DSG2: variants seen among roughly 807,000 people sequenced by gnomAD.
DSG2 encodes the protein desmoglein-2.
In DSG2, 45 loss-of-function variants were observed where a neutral mutation model predicts 75.6. The observed-to-expected ratio is 0.60, with a 90% CI of 0.47 to 0.76. The LOEUF (loss-of-function observed/expected upper bound fraction) is 0.76, where lower values mean the gene tolerates loss of function less well. Ranked by LOEUF, DSG2 falls within the 30% of genes least tolerant of loss-of-function variation. DSG2 has a pLI of 0.00. For synonymous variants in DSG2, 429 were observed against 483.9 expected (o/e 0.89, Z 1.49); for missense variants, 1,267 against 1,357.4 (o/e 0.93, Z 1.05).
Position 31,524,691 on chromosome 18 carries a change from C to T in DSG2, c.829-12C>T. On this transcript the variant is annotated splice_polypyrimidine_tract_variant and intron_variant, in intron 7 of 14. Coordinates refer to ENST00000261590, the MANE Select transcript of DSG2 (RefSeq NM_001943.5). ...TTCATTGAAATAAAAATCATGTGTT[C>T]ATGTTTTGCAGCTTGAAGGGATGGT... 1.2e-6 allele frequency: 2 copies of T among 1,613,882 alleles called. No homozygotes were observed. The highest frequency in any genetic ancestry group is 8.5e-7 in the Non-Finnish European group (1 of 1,179,928).
At chr18:31,530,287 T>C (rs764199381) in intron 8 of DSG2, among the ~76,000 whole-genome samples, 2 of 152,198 alleles carry the variant, frequency 1.3e-5, no homozygotes, top group African/African-American at 2.4e-5. Flanking sequence ...TACCACTACT[T>C]ATTTTCACTA....
At chr18:31,532,684 G>T (rs906197155) in intron 9 of DSG2, among the ~76,000 whole-genome samples, 3 of 152,154 alleles carry the variant, frequency 2.0e-5, no homozygotes, top group African/African-American at 7.2e-5. Flanking sequence ...GTCCTCTTGA[G>T]TTATGTGGTC....
At position 31,542,066 on chromosome 18, in the gene DSG2, G is replaced by A. The variant is rs563892133; in HGVS notation, c.2002-454G>A. 9 of 222,930 alleles carry A rather than the reference G, an allele frequency of 4.0e-5. No individual in the cohort carries two copies. The East Asian group carries it at 6.5e-4, about 16-fold the overall frequency. 13.8% of individuals were successfully genotyped at this position (222,930 alleles called of 1,614,324 possible). A position where few individuals can be genotyped will look rare whatever the true frequency, so the allele number is the denominator to read the frequency against. On this transcript the variant is annotated intron_variant, in intron 13 of 14. Transcript: ENST00000261590. Reference sequence around the variant, plus strand: ...AGAACCCTCTTTAAGCACACTTCCCGGAACTTGTGTACACCATTTCTGCTT... The same window carrying A: ...AGAACCCTCTTTAAGCACACTTCCCAGAACTTGTGTACACCATTTCTGCTT...
intron 1 of DSG2, among the ~76,000 whole-genome samples, chr18:31,513,186 A>T (rs932025340): frequency 6.6e-6 from 1 of 152,242 alleles, no homozygotes; most frequent in African/African-American, 2.4e-5. Context: ...GAAAAAGTTT[A>T]GAGAGAGAGT....
rs2848664 is a variant in DSG2, at chr18:31,524,301, T to C, written c.691-147T>C. The C allele has an allele frequency of 0.12, 137,939 of 1,130,148 alleles. 11,778 individuals carry two copies. The highest frequency in any genetic ancestry group is 0.41 in the African/African-American group (26,242 of 64,198). 70.0% of individuals were successfully genotyped at this position (1,130,148 alleles called of 1,614,324 possible). Reference sequence around the variant, plus strand: ...TGCAAAAGCTCTGACTGCAAGTAAATAGTATCTTCACACAAATAATAGCAG... The same window carrying C: ...TGCAAAAGCTCTGACTGCAAGTAAACAGTATCTTCACACAAATAATAGCAG... On this transcript the variant is annotated intron_variant, in intron 6 of 14. Transcript: ENST00000261590.
chr18:31,518,197 G>A (rs1473602011), intron 1 of DSG2, 42 bp from the exon 2 acceptor site: 1 of 1,477,208 alleles, frequency 6.8e-7, no homozygotes, highest in Non-Finnish European at 9.5e-7. Flanking sequence ...ACACTGAATT[G>A]AGCAGTAAAT....
chr18:31,533,419 C>T (rs1327094126), intron 9 of DSG2, among the ~76,000 whole-genome samples: 1 of 152,090 alleles, frequency 6.6e-6, no homozygotes, highest in African/African-American at 2.4e-5. Flanking sequence ...AAGGTTCCAG[C>T]GAGTTGCCAT....
At position 31,505,256 on chromosome 18, in the gene DSG2, C is replaced by T. The variant is rs561652048; in HGVS notation, c.45+6960C>T. ...TGGCACATGGAGTCCCTCATCTGTG[C>T]GTTTTCCTTCCTCCTGTATGCACAG... On this transcript the variant is annotated intron_variant, in intron 1 of 14. Transcript: ENST00000261590. 5.3e-4 allele frequency among the ~76,000 whole-genome samples: 80 copies of T among 152,294 alleles called. 1 individual carries two copies. The highest frequency in any genetic ancestry group is 9.4e-4 in the Non-Finnish European group (64 of 68,022).
At position 31,504,707 on chromosome 18, in the gene DSG2, C is replaced by T. The variant is rs146982207; in HGVS notation, c.45+6411C>T. Reference sequence around the variant, plus strand: ...CCCCAGTGGCCAGGCAATCCATGCTCGTCATTGAGCCGCACTGCCCTGCTC... The same window carrying T: ...CCCCAGTGGCCAGGCAATCCATGCTTGTCATTGAGCCGCACTGCCCTGCTC... On this transcript the variant is annotated intron_variant, in intron 1 of 14. Coordinates refer to ENST00000261590, the MANE Select transcript of DSG2 (RefSeq NM_001943.5). 5.9e-4 allele frequency among the ~76,000 whole-genome samples: 90 copies of T among 152,316 alleles called. 1 individual carries two copies. In the South Asian group the frequency reaches 0.012, roughly 21 times the overall value.
intron 8 of DSG2, among the ~76,000 whole-genome samples, chr18:31,527,849 G>GA (rs2073171825): frequency 1.1e-4 from 17 of 152,198 alleles, no homozygotes; most frequent in Admixed American, 1.1e-3. Context: ...TGTCTGGGCA[G>GA]GTCCCGCTTT....
At chr18:31,521,042 G>A in intron 4 of DSG2, 57 bp from the exon 5 acceptor site, 1 of 1,610,086 alleles carries the variant, frequency 6.2e-7, no homozygotes, top group Non-Finnish European at 8.5e-7. Flanking sequence ...TTTTTTCATA[G>A]TATGGTAATT....
rs539595384 is a variant in DSG2, at chr18:31,533,287, A to G, written c.1281-1983A>G. Among the ~76,000 whole-genome samples the G allele has an allele frequency of 2.0e-5, 3 of 152,246 alleles. No homozygotes were observed. In the South Asian group the frequency reaches 6.2e-4, roughly 32 times the overall value. ...AGTTCAAGACCAACCTGGGCAACACAGCAAGACCTTGTCTCTACAAAAAAA... is the reference window on the plus strand; with the variant it reads ...AGTTCAAGACCAACCTGGGCAACACGGCAAGACCTTGTCTCTACAAAAAAA... On this transcript the variant is annotated intron_variant, in intron 9 of 14. Transcript: ENST00000261590.
chr18:31,521,159 A>G lies in DSG2; in HGVS notation c.439A>G (p.Ile147Val), dbSNP rs1316807839. Residue 147 changes from isoleucine to valine, a missense_variant, in exon 5 of 15, where the codon ATT becomes GTT. By Grantham distance (29) the Ile-to-Val change is conservative. Coordinates refer to ENST00000261590, the MANE Select transcript of DSG2 (RefSeq NM_001943.5). ...NNVEKPLELR[I>V]KVLDINDNEP... Reference sequence around the variant, plus strand: ...TGTAGAGAAACCCTTAGAGCTACGCATTAAGGTTCTTGATATCAATGACAA... The same window carrying G: ...TGTAGAGAAACCCTTAGAGCTACGCGTTAAGGTTCTTGATATCAATGACAA... 2 of 1,613,860 alleles carry G rather than the reference A, an allele frequency of 1.2e-6. No individual in the cohort carries two copies. Among genetic ancestry groups the G allele is most frequent in the African/African-American group, 1.3e-5 (1 of 75,016 alleles).
intron 3 of DSG2, 113 bp from the exon 4 acceptor site, chr18:31,520,690 A>T: frequency 8.7e-7 from 1 of 1,154,646 alleles, no homozygotes; most frequent in Non-Finnish European, 1.2e-6. Flanking sequence ...AATTGTCCAT[A>T]AAAATATTTA....
rs1400364495 is a variant in DSG2 at position 31,518,268 on chromosome 18, C to T, written c.75C>T (p.His25=). The T allele has an allele frequency of 3.1e-6, 5 of 1,613,184 alleles. No homozygotes were observed. The South Asian group carries it at 5.5e-5, about 18-fold the overall frequency. ...LICFNVGSGL[H]LQVLSTRNEN... ...GCTTTAACGTTGGAAGTGGACTTCACTTACAGGTGAGGAAACAAAGGGATT... is the reference window on the plus strand; with the variant it reads ...GCTTTAACGTTGGAAGTGGACTTCATTTACAGGTGAGGAAACAAAGGGATT... The change falls in exon 2 of 15, where the codon CAC becomes CAT. Residue 25 remains histidine, a synonymous_variant. Coordinates refer to ENST00000261590, the MANE Select transcript of DSG2 (RefSeq NM_001943.5).
chr18:31,539,044 C>A, intron 12 of DSG2, 66 bp downstream of exon 12: 1 of 1,429,738 alleles, frequency 7.0e-7, no homozygotes. Flanking sequence ...AGATGTGTTA[C>A]TATGGTAGTC....
In DSG2 at chr18:31,518,219, C is replaced by T; in HGVS notation, c.46-20C>T. Reference sequence around the variant, plus strand: ...ATTGAGCAGTAAATTGGCTAAATATCAAATAATTTTATTTTACAGATCTGC... The same window carrying T: ...ATTGAGCAGTAAATTGGCTAAATATTAAATAATTTTATTTTACAGATCTGC... On this transcript the variant is annotated intron_variant, in intron 1 of 14. Coordinates refer to ENST00000261590, the MANE Select transcript of DSG2 (RefSeq NM_001943.5). The T allele has an allele frequency of 6.2e-7, 1 of 1,603,540 alleles. No individual in the cohort carries two copies. The highest frequency in any genetic ancestry group is 8.5e-7 in the Non-Finnish European group (1 of 1,170,592).
chr18:31,504,716 G>A (rs1033901129), intron 1 of DSG2, among the ~76,000 whole-genome samples: 5 of 152,176 alleles, frequency 3.3e-5, no homozygotes, highest in Non-Finnish European at 5.9e-5. Context: ...TCGTCATTGA[G>A]CCGCACTGCC....
intron 2 of DSG2, 94 bp downstream of exon 2, chr18:31,518,368 ATGT>A (rs1223900917): frequency 9.4e-7 from 1 of 1,065,598 alleles, no homozygotes; most frequent in African/African-American, 1.6e-5. Flanking sequence ...TTGAAGACAC[ATGT>A]TGTATTAGAC....
Sources: allele counts gnomAD v4.1 joint callset (sites outside exome capture counted in the v4.1 genomes callset), GRCh38; gene constraint gnomAD v4.1.1; transcripts MANE v1.5; gene names NCBI Gene and HGNC (gene_info 2026-07-23, HGNC 2026-07-21).